CHD5: variants seen among roughly 807,000 people sequenced by gnomAD.
CHD5 encodes chromodomain helicase DNA binding protein 5, also known as ATP-dependent chromatin remodeler CHD5.
CHD5 carries 69 observed loss-of-function variants against 230.3 expected under a neutral mutation model. The observed-to-expected ratio is 0.30, with a 90% CI of 0.25 to 0.37. CHD5 has a LOEUF of 0.37. Ranked by LOEUF, CHD5 falls within the 10% of genes least tolerant of loss-of-function variation. The probability of loss-of-function intolerance (pLI) is 1.00; values close to 1 mark genes in which losing one functional copy is unlikely to be tolerated. For missense variants in CHD5, 1,827 were observed against 2,622.8 expected, an observed-to-expected ratio of 0.70 and a Z score of 6.63; for synonymous variants, 1,064 against 1,065.9, an observed-to-expected ratio of 1.00 and a Z score of 0.03.
In CHD5 at chr1:6,129,746, T is replaced by G. The variant is rs1666624662; in HGVS notation, c.3387+458A>C. On this transcript the variant is annotated intron_variant, in intron 22 of 41. Coordinates refer to ENST00000262450, the MANE Select transcript of CHD5 (RefSeq NM_015557.3). This position sits in a 1 kb window ranked among gnomAD's most constrained non-coding sequence, Gnocchi z 6.8. ...TCCCATACCCCTCCCCCCACAGCCC[T>G]TCCATCCTTCCTTACAGCCCCATCT... is the stretch of plus-strand genomic sequence containing the variant. 6.6e-6 allele frequency among the ~76,000 whole-genome samples: 1 copy of G among 151,532 alleles called. No individual in the cohort carries two copies. The highest frequency in any genetic ancestry group is 6.6e-5 in the Admixed American group (1 of 15,236).
rs980953647 is a variant in CHD5 at position 6,126,949 on chromosome 1, C to T, written c.3904-203G>A. The stretch of plus-strand genomic sequence containing the variant: ...CTGCCCCTATCCAGTCAATCATTTA[C>T]TTATTCATCCATCCATTCACAAAGC... On this transcript the variant is annotated intron_variant, in intron 25 of 41. Transcript: ENST00000262450. The surrounding 1 kb of genome is among the most constrained non-coding windows in gnomAD (Gnocchi z 5.7). 2 of 591,420 alleles carry T rather than the reference C, an allele frequency of 3.4e-6. No individual in the cohort carries two copies. The highest frequency in any genetic ancestry group is 1.9e-5 in the African/African-American group (1 of 53,696). The allele number at this position is 591,420 out of a possible 1,614,324, so 36.6% of individuals were successfully genotyped here. A position where few individuals can be genotyped will look rare whatever the true frequency, so the allele number is the denominator to read the frequency against.
intron 2 of CHD5, among the ~76,000 whole-genome samples, chr1:6,163,391 C>A (rs1011191840): frequency 6.6e-6 from 1 of 152,226 alleles, no homozygotes; most frequent in Non-Finnish European, 1.5e-5. Context: ...GGAGCCCGCA[C>A]AGCTGGGCCT....
At chr1:6,141,132 A>C (rs1666821467) in intron 15 of CHD5, among the ~76,000 whole-genome samples, 1 of 151,166 alleles carries the variant, frequency 6.6e-6, no homozygotes, top group Admixed American at 6.6e-5. Context: ...AAAATACAAA[A>C]AATTCGCTGG....
At chr1:6,172,863 G>A (rs1031420909) in intron 1 of CHD5, among the ~76,000 whole-genome samples, 2 of 152,288 alleles carry the variant, frequency 1.3e-5, no homozygotes, top group South Asian at 2.1e-4. Flanking sequence ...GGCAGCAGCA[G>A]AGCAAGGACG....
intron 33 of CHD5, among the ~76,000 whole-genome samples, chr1:6,115,757 T>C (rs1666369402): frequency 6.6e-6 from 1 of 152,208 alleles, no homozygotes; most frequent in Non-Finnish European, 1.5e-5. Context: ...ACTCGATACT[T>C]TGATGTCCTG....
At position 6,121,536 on chromosome 1, in the gene CHD5, T is replaced by C. The variant is rs755831501; in HGVS notation, c.4737A>G (p.Lys1579=). The C allele has an allele frequency of 3.1e-6, 5 of 1,613,176 alleles. No individual in the cohort carries two copies. In the African/African-American group the frequency reaches 4.0e-5, roughly 13 times the overall value. Residue 1579 remains lysine (K), a synonymous_variant, in exon 32 of 42, where the codon AAA becomes AAG. Transcript: ENST00000262450. This position sits in a 1 kb window ranked among gnomAD's most constrained non-coding sequence, Gnocchi z 4.5. Reference sequence around the variant, plus strand: ...GCCTTGGCTTCTGTGCCCCGGGGTCTTTCTCATCCATGTAGCCCAGCTGGG... The same window carrying C: ...GCCTTGGCTTCTGTGCCCCGGGGTCCTTCTCATCCATGTAGCCCAGCTGGG... The part of the protein sequence containing the change: ...MEAQLGYMDE[K]DPGAQKPRQP...
rs117614948 is a variant in CHD5, at chr1:6,152,389, C to A, written c.870+23G>T. On this transcript the variant is annotated intron_variant, in intron 6 of 41. Transcript: ENST00000262450. ...ACACATGCATGCAAATGCACACACA[C>A]GCGCACACACGCACACACTCACCGA... 2.5e-4 allele frequency: 409 copies of A among 1,605,476 alleles called. 5 individuals carry two copies. In the East Asian group the frequency reaches 8.9e-3, roughly 35 times the overall value.
intron 38 of CHD5, among the ~76,000 whole-genome samples, chr1:6,109,590 G>A (rs564326607): frequency 6.7e-4 from 102 of 152,218 alleles, no homozygotes; most frequent in Non-Finnish European, 1.3e-3. Context: ...ACAGGCTGGA[G>A]AAGCAAGCAG....
rs529187951 is a variant in CHD5, at chr1:6,156,465, G to C, written c.388-748C>G. Among the ~76,000 whole-genome samples the C allele has an allele frequency of 5.3e-4, 79 of 150,414 alleles. 1 individual carries two copies. Among genetic ancestry groups the C allele is most frequent in the Non-Finnish European group, 7.8e-4 (53 of 67,838 alleles). Reference sequence around the variant, plus strand: ...GCAGGAGAATCACTTGAACTCGGGAGACGGAGGTTGCAGTGAGCCGAGATG... The same window carrying C: ...GCAGGAGAATCACTTGAACTCGGGACACGGAGGTTGCAGTGAGCCGAGATG... On this transcript the variant is annotated intron_variant, in intron 3 of 41. Coordinates refer to ENST00000262450, the MANE Select transcript of CHD5 (RefSeq NM_015557.3).
chr1:6,130,456 G>A lies in CHD5; in HGVS notation c.3263-128C>T, dbSNP rs1571149293. 1.1e-6 allele frequency: 1 copy of A among 905,312 alleles called. No homozygotes were observed. Among genetic ancestry groups the A allele is most frequent in the East Asian group, 2.7e-5 (1 of 37,592 alleles). 56.1% of individuals were successfully genotyped at this position (905,312 alleles called of 1,614,324 possible). A position where few individuals can be genotyped will look rare whatever the true frequency, so the allele number is the denominator to read the frequency against. ...TCCCTGGCAGAGAAGGACAAAGCCG[G>A]AGACCCCATCAGAGACGGGTGGCCA... is the stretch of plus-strand genomic sequence containing the variant. On this transcript the variant is annotated intron_variant, in intron 21 of 41. Transcript: ENST00000262450. This position sits in a 1 kb window ranked among gnomAD's most constrained non-coding sequence, Gnocchi z 4.9.
chr1:6,132,879 T>TC (rs1308860524), intron 20 of CHD5, among the ~76,000 whole-genome samples: 9 of 145,940 alleles, frequency 6.2e-5, no homozygotes, highest in Non-Finnish European at 3.0e-5. Context: ...ATCCTATTCT[T>TC]TTCTCTCTCT....
chr1:6,151,932 T>C (rs1202234768), intron 6 of CHD5, among the ~76,000 whole-genome samples: 3 of 152,146 alleles, frequency 2.0e-5, no homozygotes, highest in African/African-American at 4.8e-5. Flanking sequence ...GGCCCAGAGC[T>C]GGCCCTGAGG....
intron 41 of CHD5, 130 bp downstream of exon 41, chr1:6,106,104 C>A: frequency 1.2e-6 from 1 of 847,042 alleles, no homozygotes; most frequent in South Asian, 1.7e-5. Flanking sequence ...GCTCTCAAAG[C>A]CGCCGGAGGC....
At chr1:6,108,651 G>A (rs772283915) in intron 38 of CHD5, among the ~76,000 whole-genome samples, 5 of 146,312 alleles carry the variant, frequency 3.4e-5, no homozygotes, top group Admixed American at 3.4e-4. Context: ...AAGGACAGAG[G>A]CATGGAGGGA....
chr1:6,126,822 G>T lies in CHD5; in HGVS notation c.3904-76C>A. 1 of 1,416,254 alleles carries T rather than the reference G, an allele frequency of 7.1e-7. No homozygotes were observed. The highest frequency in any genetic ancestry group is 9.8e-7 in the Non-Finnish European group (1 of 1,025,024). The allele number at this position is 1,416,254 out of a possible 1,614,324, so 87.7% of individuals were successfully genotyped here. ...CGGAAGCCTCAGGCTGCCTCCACCT[G>T]ACCTGCCCTTTGCCCCCTCAGGGCT... On this transcript the variant is annotated intron_variant, in intron 25 of 41. Coordinates refer to ENST00000262450, the MANE Select transcript of CHD5 (RefSeq NM_015557.3). This position sits in a 1 kb window ranked among gnomAD's most constrained non-coding sequence, Gnocchi z 5.7.
At chr1:6,162,629 C>G (rs1667195614) in intron 2 of CHD5, among the ~76,000 whole-genome samples, 1 of 152,152 alleles carries the variant, frequency 6.6e-6, no homozygotes, top group Admixed American at 6.5e-5. Flanking sequence ...CATGTAGACA[C>G]CAGAGGCCGC....
At chr1:6,170,910 G>A (rs72852098) in intron 1 of CHD5, among the ~76,000 whole-genome samples, 39 of 152,312 alleles carry the variant, frequency 2.6e-4, no homozygotes, top group Admixed American at 1.5e-3. Flanking sequence ...ACAACTGCCC[G>A]CTCTGCCACC....
rs563112468 is a variant in CHD5, at chr1:6,129,475, C to G, written c.3388-406G>C. ...ACCACAAGACCATGTGCTGGAGACA[C>G]GCAGCCACCTTCTGAGGGCAGCAAG... On this transcript the variant is annotated intron_variant, in intron 22 of 41. Transcript: ENST00000262450. The surrounding 1 kb of genome is among the most constrained non-coding windows in gnomAD (Gnocchi z 6.8). Among the ~76,000 whole-genome samples the G allele has an allele frequency of 6.6e-6, 1 of 152,132 alleles. No homozygotes were observed. Among genetic ancestry groups the G allele is most frequent in the Non-Finnish European group, 1.5e-5 (1 of 68,016 alleles).
chr1:6,179,270 G>A (rs1279015539), intron 1 of CHD5, among the ~76,000 whole-genome samples: 2 of 152,188 alleles, frequency 1.3e-5, no homozygotes, highest in Non-Finnish European at 2.9e-5. Context: ...GACAGCGGCG[G>A]GCGCTAGGTC....
Sources: allele counts gnomAD v4.1 joint callset (sites outside exome capture counted in the v4.1 genomes callset), GRCh38; gene constraint gnomAD v4.1.1; non-coding constraint Gnocchi (gnomAD v3.1); transcripts MANE v1.5; gene names NCBI Gene and HGNC (gene_info 2026-07-23, HGNC 2026-07-21).